The following ZSWIM2 variants were observed in gnomAD, a reference collection of about 807,000 sequenced individuals.
The protein encoded by ZSWIM2 is zinc finger SWIM-type containing 2, also known as E3 ubiquitin-protein ligase ZSWIM2.
Under a neutral mutation model 48.4 loss-of-function variants are expected in ZSWIM2, and 38 were observed. The ratio of observed to expected loss-of-function variants is 0.79; its 90% CI spans 0.61 to 1.03. ZSWIM2 has a LOEUF of 1.03. Ranked by LOEUF, ZSWIM2 falls within the 50% of genes least tolerant of loss-of-function variation. The pLI, the probability that ZSWIM2 is intolerant of heterozygous loss-of-function variation, is 0.00. For synonymous variants in ZSWIM2, 240 were observed against 251.3 expected (o/e 0.96, Z 0.42); for missense variants, 776 against 730.2 (o/e 1.06, Z -0.72).
intron 7 of ZSWIM2, among the ~76,000 whole-genome samples, chr2:186,832,695 T>C (rs1691724166): frequency 6.6e-6 from 1 of 152,172 alleles, no homozygotes; most frequent in Non-Finnish European, 1.5e-5. Flanking sequence ...ATGTCGATGA[T>C]TATTTGATTA....
chr2:186,828,055 G>C lies in ZSWIM2; in HGVS notation c.1831C>G (p.Gln611Glu), dbSNP rs771050128. The C allele has an allele frequency of 1.9e-6, 3 of 1,613,094 alleles. No individual in the cohort carries two copies. Among genetic ancestry groups the C allele is most frequent in the African/African-American group, 2.7e-5 (2 of 74,866 alleles). Reference protein sequence around the residue: ...ITRKCSHLSRQPVSHSVNTKS... With the variant: ...ITRKCSHLSREPVSHSVNTKS... ...GTATTTACAGAGTGAGACACAGGCT[G>C]TCTTGATAGATGACTACATTTTCGT... The change falls in exon 9 of 9, where the codon CAG becomes GAG. Residue 611 changes from glutamine (Q) to glutamate (E), a missense_variant. Physicochemically the swap from Gln to Glu is conservative, Grantham distance 29. Transcript: ENST00000295131.
rs906461847 is a variant in ZSWIM2, at chr2:186,836,479, G to T, written c.743+827C>A. Among the ~76,000 whole-genome samples, 4 of 152,124 alleles carry T rather than the reference G, an allele frequency of 2.6e-5. No individual in the cohort carries two copies. The Middle Eastern group carries it at 0.01, about 388-fold the overall frequency. ...AGAAAACAAAACTAAATTCAAAGGAGAAAGGTATAATTTGCTGTTGGATGT... is the reference window on the plus strand; with the variant it reads ...AGAAAACAAAACTAAATTCAAAGGATAAAGGTATAATTTGCTGTTGGATGT... On this transcript the variant is annotated intron_variant, in intron 5 of 8. Coordinates refer to ENST00000295131, the MANE Select transcript of ZSWIM2 (RefSeq NM_182521.3).
rs72348328 is a variant in ZSWIM2, at chr2:186,837,612, G to GTATATA, written c.495-64_495-59dup. The GTATATA allele has an allele frequency of 5.7e-3, 2,790 of 487,910 alleles. 68 individuals are homozygous for GTATATA. The highest frequency in any genetic ancestry group is 0.05 in the African/African-American group (2,362 of 47,152). The allele number at this position is 487,910 out of a possible 1,614,324, so 30.2% of individuals were successfully genotyped here. On this transcript the variant is annotated intron_variant, in intron 4 of 8. Coordinates refer to ENST00000295131, the MANE Select transcript of ZSWIM2 (RefSeq NM_182521.3). ...TATAGAGCAGTTTTACATATCCATT[G>GTATATA]TATATATATATATATATTATATATA... is the stretch of plus-strand genomic sequence containing the variant.
At chr2:186,829,559 G>C (rs1234132656) in intron 8 of ZSWIM2, among the ~76,000 whole-genome samples, 168 bp downstream of exon 8, 1 of 152,128 alleles carries the variant, frequency 6.6e-6, no homozygotes, top group Admixed American at 6.6e-5. Context: ...CAGGGAGAAA[G>C]CTGCCTTCTC....
rs1388154833 is a variant in ZSWIM2 at position 186,846,806 on chromosome 2, C to CATAT, written c.242+912_242+913insATAT. ...ATAAACATATATATATACACACACA[C>CATAT]ACACATATATATATATATATAATGT... On this transcript the variant is annotated intron_variant, in intron 2 of 8. Transcript: ENST00000295131. Among the ~76,000 whole-genome samples, 235 of 43,334 alleles carry CATAT rather than the reference C, an allele frequency of 5.4e-3. 3 individuals carry two copies. The highest frequency in any genetic ancestry group is 0.02 in the African/African-American group (229 of 11,270). The allele number at this position is 43,334 out of a possible 152,430, so 28.4% of individuals were successfully genotyped here. A position where few individuals can be genotyped will look rare whatever the true frequency, so the allele number is the denominator to read the frequency against.
chr2:186,837,651 A>C (rs1488101314), intron 4 of ZSWIM2, 97 bp from the exon 5 acceptor site: 1 of 431,606 alleles, frequency 2.3e-6, no homozygotes. Context: ...TTATATAAAT[A>C]AAATTTCCTG....
intron 8 of ZSWIM2, among the ~76,000 whole-genome samples, chr2:186,829,219 T>C (rs1691655746): frequency 6.6e-6 from 1 of 152,134 alleles, no homozygotes; most frequent in Non-Finnish European, 1.5e-5. Flanking sequence ...TAAAGCTTTA[T>C]TACTGAAGCT....
chr2:186,838,937 A>C (rs1480966907), intron 4 of ZSWIM2, 22 bp downstream of exon 4: 4 of 1,593,862 alleles, frequency 2.5e-6, no homozygotes, highest in Non-Finnish European at 3.4e-6. Flanking sequence ...AGTTTTAAGA[A>C]TCTAAAGAAA....
Position 186,828,274 on chromosome 2 carries a change from G to T in ZSWIM2, c.1612C>A (p.His538Asn). Residue 538 changes from histidine (H) to asparagine (N), a missense_variant, in exon 9 of 9, where the codon CAC becomes AAC. His to Asn is a moderately conservative substitution (Grantham distance 68). Coordinates refer to ENST00000295131, the MANE Select transcript of ZSWIM2 (RefSeq NM_182521.3). ...TTGGTCATCCGGCTTAGACTAGTGT[G>T]AAATTTTCCACTGATGCATGGACTT... ...MESPCISGKF[H>N]TSLSRMTKGC... 6.2e-7 allele frequency: 1 copy of T among 1,613,646 alleles called. No homozygotes were observed. The highest frequency in any genetic ancestry group is 8.5e-7 in the Non-Finnish European group (1 of 1,179,818).
At chr2:186,835,490 T>A (rs1163170334) in intron 5 of ZSWIM2, among the ~76,000 whole-genome samples, 3 of 146,172 alleles carry the variant, frequency 2.1e-5, no homozygotes, top group Non-Finnish European at 4.4e-5. Flanking sequence ...TCTTTGTACA[T>A]ACAGGGAAGA....
chr2:186,841,272 C>T (rs572643177), intron 3 of ZSWIM2, among the ~76,000 whole-genome samples: 22 of 151,330 alleles, frequency 1.5e-4, no homozygotes, highest in African/African-American at 5.3e-4. Context: ...GCTTTCTTTC[C>T]AAAATTATAG....
chr2:186,843,092 G>A (rs1691934420), intron 3 of ZSWIM2, among the ~76,000 whole-genome samples: 1 of 151,534 alleles, frequency 6.6e-6, no homozygotes, highest in Non-Finnish European at 1.5e-5. Context: ...ACATATTAAA[G>A]TTACTTCCCT....
In ZSWIM2 at chr2:186,827,945, T is replaced by C; in HGVS notation, c.*39A>G. On this transcript the variant is annotated 3_prime_UTR_variant, in exon 9 of 9. Coordinates refer to ENST00000295131, the MANE Select transcript of ZSWIM2 (RefSeq NM_182521.3). The stretch of plus-strand genomic sequence containing the variant: ...TTATGTTCTATATAAAACATTTTTT[T>C]ATATTCAACATTCAAATATTTTCAG... The C allele has an allele frequency of 6.9e-7, 1 of 1,444,540 alleles. No individual in the cohort carries two copies. Among genetic ancestry groups the C allele is most frequent in the Non-Finnish European group, 9.2e-7 (1 of 1,083,220 alleles). 89.5% of individuals were successfully genotyped at this position (1,444,540 alleles called of 1,614,324 possible). A position where few individuals can be genotyped will look rare whatever the true frequency, so the allele number is the denominator to read the frequency against.
intron 1 of ZSWIM2, among the ~76,000 whole-genome samples, chr2:186,847,998 T>A (rs1017665429): frequency 5.3e-5 from 8 of 152,206 alleles, no homozygotes; most frequent in African/African-American, 1.9e-4. Flanking sequence ...CAAATTAGGA[T>A]GGTTTTAAAG....
rs753599017 is a variant in ZSWIM2, at chr2:186,828,552, G to A, written c.1334C>T (p.Pro445Leu). The A allele has an allele frequency of 1.5e-5, 25 of 1,613,110 alleles. No homozygotes were observed. Among genetic ancestry groups the A allele is most frequent in the Non-Finnish European group, 2.0e-5 (24 of 1,179,480 alleles). ...ATTCAATTCATCAAAATTACACTGAGGTATGCTAGGTAAAATTCCAAGTCT... is the reference window on the plus strand; with the variant it reads ...ATTCAATTCATCAAAATTACACTGAAGTATGCTAGGTAAAATTCCAAGTCT... ...QNRLGILPSI[P>L]QCNFDELNTP... is the part of the protein sequence containing the mutation. The change falls in exon 9 of 9, where the codon CCT becomes CTT. Residue 445 changes from proline to leucine, a missense_variant. Pro to Leu is a moderately conservative substitution (Grantham distance 98). Transcript: ENST00000295131.
intron 8 of ZSWIM2, 112 bp downstream of exon 8, chr2:186,829,615 A>G: frequency 9.7e-7 from 1 of 1,031,936 alleles, no homozygotes. Context: ...TGCAATGTGA[A>G]CACCTCTGTA....
rs1691885846 is a variant in ZSWIM2 at position 186,840,504 on chromosome 2, T to C, written c.284-1335A>G. ...CAATGTGTTGTACAAGTAATAAATG[T>C]AATAATATATGAGATGCTCTAAATA... On this transcript the variant is annotated intron_variant, in intron 3 of 8. Coordinates refer to ENST00000295131, the MANE Select transcript of ZSWIM2 (RefSeq NM_182521.3). 5.3e-5 allele frequency among the ~76,000 whole-genome samples: 8 copies of C among 151,610 alleles called. No individual in the cohort carries two copies. The Admixed American group carries it at 5.3e-4, about 10-fold the overall frequency.
At chr2:186,841,744 A>G (rs1335152284) in intron 3 of ZSWIM2, among the ~76,000 whole-genome samples, 2 of 151,324 alleles carry the variant, frequency 1.3e-5, no homozygotes, top group Non-Finnish European at 3.0e-5. Flanking sequence ...AGTGTGATAA[A>G]AGCAGAACAC....
intron 5 of ZSWIM2, 50 bp from the exon 6 acceptor site, chr2:186,834,080 G>C (rs752424883): frequency 2.8e-6 from 4 of 1,454,164 alleles, no homozygotes. Flanking sequence ...TCCAATTATT[G>C]TGATGGTTTT....
Sources: allele counts gnomAD v4.1 joint callset (sites outside exome capture counted in the v4.1 genomes callset), GRCh38; gene constraint gnomAD v4.1.1; transcripts MANE v1.5; gene names NCBI Gene and HGNC (gene_info 2026-07-23, HGNC 2026-07-21).